Variants in GRID1 observed in about 807,000 individuals in gnomAD.
The protein encoded by GRID1 is glutamate ionotropic receptor delta type subunit 1.
Under a neutral mutation model 98.0 loss-of-function variants are expected in GRID1, and 28 were observed. That is an observed-to-expected ratio of 0.29 (90% CI 0.21 to 0.39). GRID1 has a LOEUF of 0.39. GRID1 is among the 10% of genes least tolerant of loss of function. The pLI is 1.00. For synonymous variants in GRID1, 553 were observed against 538.5 expected, an observed-to-expected ratio of 1.03 and a Z score of -0.37; for missense variants, 1,111 against 1,340.5, an observed-to-expected ratio of 0.83 and a Z score of 2.67.
rs1443675126 is a variant in GRID1, at chr10:85,887,948, T to TTC, written c.781-18770_781-18769dup. 3.3e-5 allele frequency among the ~76,000 whole-genome samples: 5 copies of TTC among 152,098 alleles called. No individual in the cohort carries two copies. The East Asian group carries it at 9.6e-4, about 29-fold the overall frequency. On this transcript the variant is annotated intron_variant, in intron 5 of 15. Transcript: ENST00000327946. ...AGCCAGAGCAGCCCTTTTTCTGCCCTTCCCATCATCCCATTCCTCCTACAG... is the reference window on the plus strand; with the variant it reads ...AGCCAGAGCAGCCCTTTTTCTGCCCTTCTCCCATCATCCCATTCCTCCTACAG...
chr10:86,325,962 T>C (rs1244217281), intron 2 of GRID1, among the ~76,000 whole-genome samples: 1 of 152,218 alleles, frequency 6.6e-6, no homozygotes, highest in Admixed American at 6.5e-5. Flanking sequence ...TTGTAGCAAA[T>C]ATAGGTATCT....
chr10:85,912,503 T>TTTCCTG (rs111501536), intron 5 of GRID1, among the ~76,000 whole-genome samples: 7,516 of 152,308 alleles, frequency 0.049, 490 homozygotes, highest in African/African-American at 0.16. Flanking sequence ...TGCCCTCAAG[T>TTTCCTG]GTTTATTCTG....
At chr10:85,798,717 T>C (rs1414002652) in intron 8 of GRID1, among the ~76,000 whole-genome samples, 2 of 152,166 alleles carry the variant, frequency 1.3e-5, no homozygotes, top group African/African-American at 4.8e-5. Context: ...TTTTTTGTTA[T>C]TGAGTTGTTG....
chr10:86,113,027 C>A (rs1828503201), intron 4 of GRID1, among the ~76,000 whole-genome samples: 1 of 152,172 alleles, frequency 6.6e-6, no homozygotes, highest in Non-Finnish European at 1.5e-5. Flanking sequence ...GAGACTAGAC[C>A]TTTAGCCTCC....
intron 12 of GRID1, among the ~76,000 whole-genome samples, chr10:85,667,316 C>CAGAG (rs5786718): frequency 1.8e-3 from 261 of 148,898 alleles, no homozygotes; most frequent in South Asian, 9.4e-3. Flanking sequence ...CACACACACA[C>CAGAG]AGAGAGAGAG....
Position 85,832,600 on chromosome 10 carries a change from A to C in GRID1, c.1233+21896T>G, listed in dbSNP as rs73332656. Among the ~76,000 whole-genome samples the C allele has an allele frequency of 5.7e-3, 864 of 152,230 alleles. 8 individuals carry two copies. The highest frequency in any genetic ancestry group is 0.02 in the African/African-American group (812 of 41,522). On this transcript the variant is annotated intron_variant, in intron 8 of 15. Transcript: ENST00000327946. ...TTCTCTGCTATGTACAACTACAAAC[A>C]CTGGAAATAATGCAAAAGGCAATGA...
At chr10:85,676,243 T>C (rs1371509273) in intron 12 of GRID1, among the ~76,000 whole-genome samples, 4 of 152,092 alleles carry the variant, frequency 2.6e-5, no homozygotes, top group African/African-American at 7.2e-5. Flanking sequence ...CTGCCCTCCA[T>C]GGAGGGACCT....
intron 2 of GRID1, among the ~76,000 whole-genome samples, chr10:86,320,394 G>A (rs1473974827): frequency 6.6e-6 from 1 of 152,166 alleles, no homozygotes. Context: ...TTGCACCACG[G>A]ATGAACCTTG....
intron 4 of GRID1, among the ~76,000 whole-genome samples, chr10:86,122,943 T>C (rs538768722): frequency 2.6e-4 from 40 of 152,146 alleles, no homozygotes; most frequent in Non-Finnish European, 4.3e-4. Context: ...AGTGCTCAAG[T>C]CCAGAGTCCA....
At chr10:86,294,424 C>T (rs61856582) in intron 2 of GRID1, among the ~76,000 whole-genome samples, 10,040 of 152,126 alleles carry the variant, frequency 0.066, 596 homozygotes, top group African/African-American at 0.16. Context: ...TGGGACAGGG[C>T]GGAGGCAGGG....
At position 85,599,763 on chromosome 10, in the gene GRID1, C is replaced by T. The variant is rs1330638736; in HGVS notation, c.*2510G>A. 9.2e-5 allele frequency: 10 copies of T among 108,298 alleles called. No homozygotes were observed. In the East Asian group the frequency reaches 1.7e-3, roughly 18 times the overall value. The allele number at this position is 108,298 out of a possible 1,614,324, so 6.7% of individuals were successfully genotyped here. Reference sequence around the variant, plus strand: ...AACTTGCTTGAATATCAATCATTTCCCCTCATGCCAAGGGTAGAAAATTCT... The same window carrying T: ...AACTTGCTTGAATATCAATCATTTCTCCTCATGCCAAGGGTAGAAAATTCT... On this transcript the variant is annotated 3_prime_UTR_variant, in exon 16 of 16. Coordinates refer to ENST00000327946, the MANE Select transcript of GRID1 (RefSeq NM_017551.3).
intron 2 of GRID1, among the ~76,000 whole-genome samples, chr10:86,213,245 C>T (rs1846130845): frequency 6.6e-6 from 1 of 152,178 alleles, no homozygotes; most frequent in Non-Finnish European, 1.5e-5. Context: ...CGCTCCTCCA[C>T]ACTGCCGGCA....
chr10:85,900,715 CAT>C (rs919574750), intron 5 of GRID1, among the ~76,000 whole-genome samples: 3 of 152,162 alleles, frequency 2.0e-5, no homozygotes, highest in African/African-American at 7.2e-5. Flanking sequence ...TCCATGGACA[CAT>C]GTTTCTCATC....
At chr10:85,759,904 G>A (rs1382330117) in intron 8 of GRID1, among the ~76,000 whole-genome samples, 1 of 152,186 alleles carries the variant, frequency 6.6e-6, no homozygotes, top group Admixed American at 6.5e-5. Flanking sequence ...TTCCACCTCT[G>A]AGGGCATCCT....
At chr10:86,034,600 G>A (rs763207307) in intron 4 of GRID1, among the ~76,000 whole-genome samples, 8 of 151,676 alleles carry the variant, frequency 5.3e-5, no homozygotes, top group African/African-American at 1.7e-4. Flanking sequence ...ACTGCTTCCC[G>A]GGAACCAGTT....
At chr10:85,889,909 C>G (rs186645290) in intron 5 of GRID1, among the ~76,000 whole-genome samples, 22 of 152,030 alleles carry the variant, frequency 1.4e-4, no homozygotes, top group Admixed American at 1.1e-3. Flanking sequence ...ATTGTGTTCT[C>G]TTTTTTAAAT....
At chr10:86,097,671 A>G (rs1421143660) in intron 4 of GRID1, among the ~76,000 whole-genome samples, 1 of 152,214 alleles carries the variant, frequency 6.6e-6, no homozygotes, top group African/African-American at 2.4e-5. Context: ...AATGCATACT[A>G]TAACACAATC....
At chr10:86,245,578 G>A (rs898107053) in intron 2 of GRID1, among the ~76,000 whole-genome samples, 28 of 151,410 alleles carry the variant, frequency 1.8e-4, no homozygotes, top group African/African-American at 4.9e-4. Flanking sequence ...TCTACTATTC[G>A]CTTTACTCCA....
chr10:86,315,023 T>C (rs1270101763), intron 2 of GRID1, among the ~76,000 whole-genome samples: 1 of 151,808 alleles, frequency 6.6e-6, no homozygotes, highest in Non-Finnish European at 1.5e-5. Flanking sequence ...CGCCCACTGC[T>C]GGCATCCGAT....
Sources: gnomAD v4.1 joint callset for allele counts (sites outside exome capture counted in the v4.1 genomes callset) on GRCh38, gnomAD v4.1.1 for gene constraint, MANE v1.5 for transcripts, NCBI Gene and HGNC (gene_info 2026-07-23, HGNC 2026-07-21) for gene names.